Variants in TOM1L1 observed in about 807,000 individuals in gnomAD.
TOM1L1 encodes the protein target of myb1 like 1 membrane trafficking protein.
TOM1L1 carries 64 observed loss-of-function variants against 63.4 expected under a neutral mutation model. The ratio of observed to expected loss-of-function variants is 1.01; its 90% CI spans 0.83 to 1.24. The LOEUF (loss-of-function observed/expected upper bound fraction) is 1.24, where lower values mean the gene tolerates loss of function less well. Among genes scored for constraint, TOM1L1 ranks in the 50% most tolerant of loss-of-function variants. The pLI is 0.00. For synonymous variants in TOM1L1, 166 were observed against 194.4 expected, an observed-to-expected ratio of 0.85 and a Z score of 1.22; for missense variants, 536 against 567.0, an observed-to-expected ratio of 0.95 and a Z score of 0.55.
At chr17:54,924,324 G>A (rs1435835201) in intron 7 of TOM1L1, among the ~76,000 whole-genome samples, 1 of 145,858 alleles carries the variant, frequency 6.9e-6, no homozygotes, top group African/African-American at 2.6e-5. Flanking sequence ...CTGTCACTCA[G>A]GCTGGAGTGC....
At chr17:54,929,730 A>C (rs2143853500) in intron 7 of TOM1L1, among the ~76,000 whole-genome samples, 1 of 144,338 alleles carries the variant, frequency 6.9e-6, no homozygotes, top group East Asian at 2.0e-4. Flanking sequence ...ACTGAGATTT[A>C]AAAAACATGT....
intron 7 of TOM1L1, among the ~76,000 whole-genome samples, chr17:54,929,003 A>G (rs902042502): frequency 6.6e-6 from 1 of 152,154 alleles, no homozygotes; most frequent in African/African-American, 2.4e-5. Flanking sequence ...GCATACATAC[A>G]TTTTTCAGCA....
intron 8 of TOM1L1, among the ~76,000 whole-genome samples, chr17:54,933,585 C>T (rs2048899462): frequency 1.3e-5 from 2 of 152,156 alleles, no homozygotes; most frequent in African/African-American, 2.4e-5. Context: ...TGCAGTGGTG[C>T]GATCTTGGCT....
intron 1 of TOM1L1, among the ~76,000 whole-genome samples, chr17:54,901,975 C>G (rs1291924288): frequency 6.6e-6 from 1 of 152,122 alleles, no homozygotes; most frequent in Non-Finnish European, 1.5e-5. Flanking sequence ...AACGAAACTT[C>G]AGCAGTTCTT....
intron 2 of TOM1L1, 92 bp from the exon 3 acceptor site, chr17:54,905,397 A>C: frequency 1.2e-6 from 1 of 844,768 alleles, no homozygotes; most frequent in South Asian, 1.6e-5. Flanking sequence ...CTCCTTAGCC[A>C]TTCCTCTCTC....
chr17:54,907,563 T>G (rs1023239432), intron 3 of TOM1L1, among the ~76,000 whole-genome samples: 3 of 152,090 alleles, frequency 2.0e-5, no homozygotes, highest in East Asian at 3.9e-4. Flanking sequence ...GGGCCAGGTA[T>G]ATCAGATGTT....
chr17:54,947,237 T>C (rs2049134670), intron 11 of TOM1L1, 24 bp from the exon 12 acceptor site: 1 of 1,613,046 alleles, frequency 6.2e-7, no homozygotes, highest in Non-Finnish European at 8.5e-7. Context: ...AGGGTAATCA[T>C]TCTGTGTTAT....
At chr17:54,945,369 T>C (rs2049100883) in intron 11 of TOM1L1, among the ~76,000 whole-genome samples, 1 of 152,224 alleles carries the variant, frequency 6.6e-6, no homozygotes, top group South Asian at 2.1e-4. Flanking sequence ...GGGGCCACCA[T>C]TTAACCCACT....
intron 11 of TOM1L1, among the ~76,000 whole-genome samples, chr17:54,940,771 TAAAG>T (rs1331626769): frequency 3.3e-5 from 5 of 151,816 alleles, no homozygotes; most frequent in African/African-American, 1.2e-4. Context: ...TCTATTCACA[TAAAG>T]AAACAAGAAT....
In TOM1L1 at chr17:54,914,531, C is replaced by T. The variant is rs1598011388; in HGVS notation, c.499-108C>T. On this transcript the variant is annotated intron_variant, in intron 5 of 15. Transcript: ENST00000575882. ...CTGATGATTTACTCTGGGCAGATAC[C>T]CTGTACACAGGACTTTGAGAGTGCT... The T allele has an allele frequency of 2.0e-5, 16 of 809,818 alleles. No homozygotes were observed. In the East Asian group the frequency reaches 3.7e-4, roughly 19 times the overall value. 50.2% of individuals were successfully genotyped at this position (809,818 alleles called of 1,614,324 possible). A position where few individuals can be genotyped will look rare whatever the true frequency, so the allele number is the denominator to read the frequency against.
chr17:54,959,729 G>A (rs1008380743), intron 14 of TOM1L1, among the ~76,000 whole-genome samples: 1 of 150,384 alleles, frequency 6.6e-6, no homozygotes, highest in African/African-American at 2.5e-5. Flanking sequence ...GTGATCCTCC[G>A]ACCTCAGCTT....
At chr17:54,959,894 GGT>G (rs2077069613) in intron 14 of TOM1L1, among the ~76,000 whole-genome samples, 1 of 152,034 alleles carries the variant, frequency 6.6e-6, no homozygotes, top group Admixed American at 6.6e-5. Context: ...TGGGATTATA[GGT>G]GTGAGCCACT....
chr17:54,936,967 C>T, intron 9 of TOM1L1, 142 bp from the exon 10 acceptor site: 1 of 742,566 alleles, frequency 1.3e-6, no homozygotes, highest in Non-Finnish European at 2.3e-6. Flanking sequence ...AGATGGGATT[C>T]ATACTAATGT....
chr17:54,932,432 G>A (rs1179938082), intron 8 of TOM1L1, among the ~76,000 whole-genome samples: 1 of 152,072 alleles, frequency 6.6e-6, no homozygotes, highest in African/African-American at 2.4e-5. Flanking sequence ...TGTGGCGCCG[G>A]GCTGTCTGCT....
chr17:54,902,637 TC>T (rs1159392498), intron 1 of TOM1L1, among the ~76,000 whole-genome samples: 3 of 152,222 alleles, frequency 2.0e-5, no homozygotes, highest in East Asian at 1.9e-4. Flanking sequence ...ACTTTGGGGT[TC>T]CCCCAAGCAA....
At chr17:54,933,773 G>A (rs748852022) in intron 8 of TOM1L1, among the ~76,000 whole-genome samples, 14 of 152,112 alleles carry the variant, frequency 9.2e-5, no homozygotes, top group Non-Finnish European at 5.9e-5. Flanking sequence ...CACCCACCTC[G>A]GCCTCCCAAA....
In TOM1L1 at chr17:54,958,858, G is replaced by A. The variant is rs188578902; in HGVS notation, c.1371-1708G>A. On this transcript the variant is annotated intron_variant, in intron 14 of 15. Transcript: ENST00000575882. ...ACATGGGAGATGCTGGAGAATCTGT[G>A]AATGTTGAAGAATAGGATCTGGCAT... Among the ~76,000 whole-genome samples the A allele has an allele frequency of 3.5e-3, 532 of 152,202 alleles. 2 individuals are homozygous for A. Among genetic ancestry groups the A allele is most frequent in the African/African-American group, 0.012 (496 of 41,526 alleles).
At chr17:54,952,940 A>C (rs1567843969) in intron 14 of TOM1L1, 1 of 152,246 alleles carries the variant, frequency 6.6e-6, no homozygotes, top group South Asian at 2.1e-4. Flanking sequence ...AGAATGAGTG[A>C]AAGTTTTAGA....
intron 7 of TOM1L1, among the ~76,000 whole-genome samples, chr17:54,929,057 G>T (rs559309650): frequency 6.6e-6 from 1 of 152,298 alleles, no homozygotes; most frequent in Non-Finnish European, 1.5e-5. Flanking sequence ...ATGTGATTGT[G>T]CAGTGTTTAA....
Sources: gnomAD v4.1 joint callset for allele counts (sites outside exome capture counted in the v4.1 genomes callset) on GRCh38, gnomAD v4.1.1 for gene constraint, MANE v1.5 for transcripts, NCBI Gene and HGNC (gene_info 2026-07-23, HGNC 2026-07-21) for gene names.